Variants in SEMA6A observed in about 807,000 individuals in gnomAD.
SEMA6A encodes semaphorin 6A.
In SEMA6A, 25 loss-of-function variants were observed where a neutral mutation model predicts 96.8. The ratio of observed to expected loss-of-function variants is 0.26; its 90% CI spans 0.19 to 0.36. The LOEUF is 0.36. SEMA6A is among the 10% of genes least tolerant of loss of function. SEMA6A has a pLI of 1.00. For synonymous variants in SEMA6A, 612 were observed against 518.0 expected (o/e 1.18, Z -2.46); for missense variants, 1,363 against 1,323.1 (o/e 1.03, Z -0.47).
chr5:116,502,453 C>T lies in SEMA6A; in HGVS notation c.101-126G>A, dbSNP rs1757931301. The T allele has an allele frequency of 5.7e-6, 4 of 703,768 alleles. No individual in the cohort carries two copies. In the Admixed American group the frequency reaches 9.3e-5, roughly 16 times the overall value. The allele number at this position is 703,768 out of a possible 1,614,324, so 43.6% of individuals were successfully genotyped here. ...TTAAGTCAGACCATGCCACCATTTT[C>T]CATTTCCATATGAGTCTGTTATTTT... On this transcript the variant is annotated intron_variant, in intron 2 of 18. Coordinates refer to ENST00000343348, the MANE Select transcript of SEMA6A (RefSeq NM_020796.5).
chr5:116,568,825 C>T (rs1024920622), intron 1 of SEMA6A, among the ~76,000 whole-genome samples: 2 of 90,726 alleles, frequency 2.2e-5, no homozygotes, highest in African/African-American at 7.8e-5. Context: ...AGATTGTACA[C>T]ACACACACAC....
chr5:116,484,550 G>A (rs1756945470), intron 10 of SEMA6A, among the ~76,000 whole-genome samples: 4 of 152,164 alleles, frequency 2.6e-5, no homozygotes, highest in Admixed American at 1.3e-4. Flanking sequence ...GCTTGAACAA[G>A]GAGGCGGAGG....
rs572342237 is a variant in SEMA6A at position 116,467,163 on chromosome 5, T to A, written c.1894+420A>T. Among the ~76,000 whole-genome samples the A allele has an allele frequency of 7.2e-5, 11 of 152,300 alleles. No individual in the cohort carries two copies. In the South Asian group the frequency reaches 1.9e-3, roughly 26 times the overall value. On this transcript the variant is annotated intron_variant, in intron 18 of 18. Coordinates refer to ENST00000343348, the MANE Select transcript of SEMA6A (RefSeq NM_020796.5). ...GCCAGAAAAGACTTTGTCCTGCTAT[T>A]TCTCAATTCACTGATTAACAGGGCC...
chr5:116,480,788 T>G (rs1300550380), intron 11 of SEMA6A, among the ~76,000 whole-genome samples: 1 of 152,142 alleles, frequency 6.6e-6, no homozygotes, highest in Non-Finnish European at 1.5e-5. Context: ...CAGAGAACAT[T>G]TTGGTTTTGT....
rs1180630380 is a variant in SEMA6A, at chr5:116,488,183, A to G, written c.669T>C (p.Val223=). The change falls in exon 9 of 19, where the codon GTT becomes GTC. Residue 223 remains valine, a synonymous_variant. Transcript: ENST00000343348. ...TATAATCTCCGTAATCCACGGCTTGAACAAAGTATGGTTCTGTAGACAAAC... is the reference window on the plus strand; with the variant it reads ...TATAATCTCCGTAATCCACGGCTTGGACAAAGTATGGTTCTGTAGACAAAC... The part of the protein sequence containing the change: ...DSKWLKEPYF[V]QAVDYGDYIY... 1 of 1,609,936 alleles carries G rather than the reference A, an allele frequency of 6.2e-7. No homozygotes were observed. Among genetic ancestry groups the G allele is most frequent in the Non-Finnish European group, 8.5e-7 (1 of 1,177,658 alleles).
At chr5:116,524,321 G>A (rs923873500) in intron 1 of SEMA6A, among the ~76,000 whole-genome samples, 19 of 152,130 alleles carry the variant, frequency 1.2e-4, no homozygotes, top group Non-Finnish European at 2.4e-4. Context: ...TTTGATTACT[G>A]ATTGCTGCAT....
chr5:116,561,558 G>A (rs1006858619), intron 1 of SEMA6A, among the ~76,000 whole-genome samples: 1 of 152,184 alleles, frequency 6.6e-6, no homozygotes, highest in Non-Finnish European at 1.5e-5. Flanking sequence ...TGTCCTATTC[G>A]TACATTTAAA....
intron 18 of SEMA6A, among the ~76,000 whole-genome samples, chr5:116,457,948 C>G (rs1227596369): frequency 6.6e-6 from 1 of 152,184 alleles, no homozygotes; most frequent in African/African-American, 2.4e-5. Context: ...TTTGAGCAAG[C>G]CCTACGTAGT....
intron 1 of SEMA6A, among the ~76,000 whole-genome samples, chr5:116,510,071 C>T (rs1246673505): frequency 6.6e-6 from 1 of 152,100 alleles, no homozygotes; most frequent in Admixed American, 6.5e-5. Flanking sequence ...ATGTAGCTCT[C>T]ACTGGACTGC....
chr5:116,456,178 G>T (rs1258257394), intron 18 of SEMA6A, among the ~76,000 whole-genome samples: 1 of 152,150 alleles, frequency 6.6e-6, no homozygotes, highest in South Asian at 2.1e-4. Flanking sequence ...CATCAGCAAC[G>T]TGGAAAATGT....
intron 1 of SEMA6A, chr5:116,536,298 A>G (rs1297386225): frequency 1.3e-5 from 2 of 151,988 alleles, no homozygotes; most frequent in Non-Finnish European, 2.9e-5. Context: ...GTTTACTTAC[A>G]AACAAAAAAA....
At chr5:116,511,637 A>G (rs1002247795) in intron 1 of SEMA6A, among the ~76,000 whole-genome samples, 56 of 152,346 alleles carry the variant, frequency 3.7e-4, no homozygotes, top group African/African-American at 1.3e-3. Flanking sequence ...ATAAAAATCT[A>G]TAAAGGGAGT....
intron 1 of SEMA6A, among the ~76,000 whole-genome samples, chr5:116,570,971 C>G (rs1327526142): frequency 6.6e-6 from 1 of 152,202 alleles, no homozygotes; most frequent in African/African-American, 2.4e-5. Flanking sequence ...CCCGCCTACT[C>G]AAAATACAAC....
intron 1 of SEMA6A, among the ~76,000 whole-genome samples, chr5:116,555,865 T>C (rs972433446): frequency 2.0e-5 from 3 of 152,148 alleles, no homozygotes; most frequent in African/African-American, 7.2e-5. Flanking sequence ...ATCTAATTAA[T>C]TGACAGAGAT....
At chr5:116,496,885 G>C (rs1326856240) in intron 4 of SEMA6A, among the ~76,000 whole-genome samples, 1 of 152,112 alleles carries the variant, frequency 6.6e-6, no homozygotes, top group Admixed American at 6.6e-5. Flanking sequence ...GGAAAGCTTA[G>C]GTTATACTTT....
intron 6 of SEMA6A, among the ~76,000 whole-genome samples, chr5:116,495,028 A>G (rs1467012150): frequency 6.6e-6 from 1 of 152,188 alleles, no homozygotes; most frequent in Non-Finnish European, 1.5e-5. Context: ...CTTTTGAGAT[A>G]CCTTTTAGAA....
intron 1 of SEMA6A, among the ~76,000 whole-genome samples, chr5:116,526,550 T>TAAAA (rs1394387346): frequency 2.6e-5 from 4 of 152,172 alleles, no homozygotes; most frequent in African/African-American, 9.7e-5. Context: ...GGTAGACAGG[T>TAAAA]ATACCAATAA....
At chr5:116,549,529 CT>C (rs1485419729) in intron 1 of SEMA6A, among the ~76,000 whole-genome samples, 2 of 152,128 alleles carry the variant, frequency 1.3e-5, no homozygotes, top group Non-Finnish European at 2.9e-5. Context: ...GGCTAATTTT[CT>C]TTTCATCTCC....
chr5:116,449,465 C>T (rs1754490881), intron 18 of SEMA6A: 2 of 645,982 alleles, frequency 3.1e-6, no homozygotes, highest in Non-Finnish European at 2.8e-6. Context: ...CCACAACACG[C>T]AACCTTAAAC....
Sources: gnomAD v4.1 joint callset for allele counts (sites outside exome capture counted in the v4.1 genomes callset) on GRCh38, gnomAD v4.1.1 for gene constraint, MANE v1.5 for transcripts, NCBI Gene and HGNC (gene_info 2026-07-23, HGNC 2026-07-21) for gene names.